ZFHX3: variants seen among roughly 807,000 people sequenced by gnomAD.
The protein encoded by ZFHX3 is zinc finger homeobox protein 3.
A neutral mutation model predicts 279.1 loss-of-function variants in ZFHX3; 42 were observed. That is an observed-to-expected ratio of 0.15 (90% CI 0.12 to 0.19). The LOEUF is 0.19. ZFHX3 is among the 10% of genes least tolerant of loss of function. ZFHX3 has a pLI of 1.00. For synonymous variants in ZFHX3, 2,293 were observed against 1,957.8 expected (o/e 1.17, Z -4.52); for missense variants, 4,981 against 4,754.0 (o/e 1.05, Z -1.40).
intron 3 of ZFHX3, among the ~76,000 whole-genome samples, chr16:73,446,134 TG>T (rs1485366138): frequency 6.6e-6 from 1 of 152,160 alleles, no homozygotes; most frequent in East Asian, 1.9e-4. Flanking sequence ...TCTATTAAGG[TG>T]TGGAATCTTA....
intron 2 of ZFHX3, among the ~76,000 whole-genome samples, chr16:73,456,439 A>C (rs1185370002): frequency 1.3e-5 from 2 of 152,108 alleles, no homozygotes; most frequent in African/African-American, 4.8e-5. Flanking sequence ...CCAAAGCAAA[A>C]AGACGAAGTA....
chr16:72,815,302 G>A (rs1394013685), intron 5 of ZFHX3, among the ~76,000 whole-genome samples: 1 of 152,070 alleles, frequency 6.6e-6, no homozygotes, highest in African/African-American at 2.4e-5. Context: ...TAGCTACTCA[G>A]GAGGCTGAGG....
intron 5 of ZFHX3, among the ~76,000 whole-genome samples, chr16:73,145,814 C>G (rs1218580224): frequency 6.6e-6 from 1 of 152,110 alleles, no homozygotes; most frequent in East Asian, 1.9e-4. Context: ...TGAAACCAAT[C>G]CAGAATGAAT....
chr16:73,412,392 T>C (rs2017488972), intron 3 of ZFHX3, among the ~76,000 whole-genome samples: 1 of 151,176 alleles, frequency 6.6e-6, no homozygotes, highest in Non-Finnish European at 1.5e-5. Flanking sequence ...GTCCCTGCAC[T>C]AGTGCACACT....
chr16:72,957,282 C>T (rs1961294007), intron 2 of ZFHX3, 145 bp downstream of exon 2: 6 of 928,152 alleles, frequency 6.5e-6, no homozygotes, highest in African/African-American at 1.6e-5. Context: ...CTTGAGAATA[C>T]TTGATTGTAA....
intron 1 of ZFHX3, among the ~76,000 whole-genome samples, chr16:73,045,577 A>C (rs1338332815): frequency 6.6e-6 from 1 of 152,000 alleles, no homozygotes. Flanking sequence ...TTGTGCAAAC[A>C]AAAAATGGAA....
At chr16:73,682,489 T>A (rs115731673) in intron 1 of ZFHX3, among the ~76,000 whole-genome samples, 2,292 of 151,894 alleles carry the variant, frequency 0.015, 50 homozygotes, top group African/African-American at 0.053. Flanking sequence ...TGCACACTGA[T>A]CTAAAAGAAA....
At chr16:73,649,570 T>C (rs942491779) in intron 2 of ZFHX3, among the ~76,000 whole-genome samples, 1 of 152,244 alleles carries the variant, frequency 6.6e-6, no homozygotes, top group Non-Finnish European at 1.5e-5. Context: ...ATAATGAATA[T>C]GTATGAGTTT....
At chr16:73,294,906 A>T (rs1452572923) in intron 4 of ZFHX3, among the ~76,000 whole-genome samples, 1 of 150,970 alleles carries the variant, frequency 6.6e-6, no homozygotes, top group Non-Finnish European at 1.5e-5. Flanking sequence ...TCATGGACGG[A>T]TATTAGTCTC....
intron 1 of ZFHX3, among the ~76,000 whole-genome samples, chr16:73,822,595 G>T (rs541227115): frequency 1.3e-5 from 2 of 151,840 alleles, no homozygotes; most frequent in East Asian, 3.9e-4. Flanking sequence ...AGTTCTGCTC[G>T]GCATAGATAC....
chr16:73,523,118 C>A (rs760199180), intron 2 of ZFHX3, among the ~76,000 whole-genome samples: 2 of 152,186 alleles, frequency 1.3e-5, no homozygotes, highest in Non-Finnish European at 2.9e-5. Context: ...TTTCACTGTG[C>A]CTTTATTTCT....
chr16:72,896,858 C>T (rs1356279943), intron 3 of ZFHX3, among the ~76,000 whole-genome samples: 1 of 152,220 alleles, frequency 6.6e-6, no homozygotes, highest in Non-Finnish European at 1.5e-5. Context: ...AGACAAAGTA[C>T]ATTCTGACAC....
intron 1 of ZFHX3, among the ~76,000 whole-genome samples, chr16:73,034,050 G>A (rs1158045826): frequency 1.3e-5 from 2 of 151,370 alleles, no homozygotes; most frequent in Non-Finnish European, 2.9e-5. Flanking sequence ...AAATCATTTA[G>A]TTTTGAAAAG....
chr16:73,439,607 C>T (rs1380660741), intron 3 of ZFHX3, among the ~76,000 whole-genome samples: 1 of 152,138 alleles, frequency 6.6e-6, no homozygotes, highest in Non-Finnish European at 1.5e-5. Flanking sequence ...ACTGAATATA[C>T]ATTTTTCCCA....
At chr16:73,069,733 A>T (rs1965800002) in intron 8 of ZFHX3, among the ~76,000 whole-genome samples, 1 of 152,192 alleles carries the variant, frequency 6.6e-6, no homozygotes, top group South Asian at 2.1e-4. Context: ...GCATCTTAGG[A>T]ACCCACTCAT....
At chr16:73,804,714 T>G (rs572387081) in intron 1 of ZFHX3, among the ~76,000 whole-genome samples, 1 of 152,158 alleles carries the variant, frequency 6.6e-6, no homozygotes, top group South Asian at 2.1e-4. Context: ...CTGGGAGAAA[T>G]GCAGCTGCTT....
intron 3 of ZFHX3, among the ~76,000 whole-genome samples, chr16:72,890,338 T>C (rs944770923): frequency 6.6e-6 from 1 of 152,204 alleles, no homozygotes; most frequent in African/African-American, 2.4e-5. Flanking sequence ...CATGCCTGCT[T>C]CCCTTTCTGC....
intron 3 of ZFHX3, among the ~76,000 whole-genome samples, chr16:73,409,440 C>A (rs1487358790): frequency 6.6e-6 from 1 of 152,166 alleles, no homozygotes; most frequent in Non-Finnish European, 1.5e-5. Context: ...CCAGTTATAA[C>A]AGCTTTTATC....
intron 2 of ZFHX3, among the ~76,000 whole-genome samples, chr16:73,660,964 A>T (rs543912401): frequency 6.6e-6 from 1 of 152,202 alleles, no homozygotes; most frequent in South Asian, 2.1e-4. Flanking sequence ...GACCAGTTAG[A>T]GGGTGAATTG....
Sources: allele counts gnomAD v4.1 joint callset (sites outside exome capture counted in the v4.1 genomes callset), GRCh38; gene constraint gnomAD v4.1.1; transcripts MANE v1.5; gene names NCBI Gene and HGNC (gene_info 2026-07-23, HGNC 2026-07-21).